ATXN2: variants seen among roughly 807,000 people sequenced by gnomAD.
ATXN2 encodes ataxin-2.
ATXN2 carries 37 observed loss-of-function variants against 138.6 expected under a neutral mutation model. The ratio of observed to expected loss-of-function variants is 0.27; its 90% CI spans 0.21 to 0.35. The LOEUF (loss-of-function observed/expected upper bound fraction) is 0.35. Among genes scored for constraint, ATXN2 ranks in the 10% least tolerant of loss-of-function variants. The pLI is 1.00. For synonymous variants in ATXN2, 549 were observed against 543.7 expected (o/e 1.01, Z -0.13); for missense variants, 1,216 against 1,480.3 (o/e 0.82, Z 2.93).
chr12:111,481,561 A>G (rs1411818035), intron 18 of ATXN2, among the ~76,000 whole-genome samples: 2 of 152,254 alleles, frequency 1.3e-5, no homozygotes, highest in African/African-American at 4.8e-5. Context: ...CATTACTGGT[A>G]GAAATACAAA....
At position 111,518,261 on chromosome 12, in the gene ATXN2, C is replaced by T. The variant is rs145810958; in HGVS notation, c.1153G>A (p.Val385Ile). 2.3e-4 allele frequency: 364 copies of T among 1,603,268 alleles called. 5 individuals carry two copies. In the Middle Eastern group the frequency reaches 8.3e-3, roughly 37 times the overall value. Residue 385 changes from valine (V) to isoleucine (I), a missense_variant, in exon 9 of 25, where the codon GTA becomes ATA. Physicochemically the swap from Val to Ile is conservative, Grantham distance 29 (BLOSUM62 3). Around this residue, in one of 4 missense-constraint regions of ATXN2, gnomAD observed 401 missense variants for 528.1 expected, o/e 0.76. Coordinates refer to ENST00000673436, the MANE Select transcript of ATXN2 (RefSeq NM_001372574.1). Reference sequence around the variant, plus strand: ...TCAAAATACTTGCCTCCATTAACTACTCTTTGGTCTGAACCAGAATTCGGG... The same window carrying T: ...TCAAAATACTTGCCTCCATTAACTATTCTTTGGTCTGAACCAGAATTCGGG... ...FNPNSGSDQR[V>I]VNGGVPWPSP...
At chr12:111,477,889 G>A (rs374496855) in intron 18 of ATXN2, among the ~76,000 whole-genome samples, 3 of 151,588 alleles carry the variant, frequency 2.0e-5, no homozygotes, top group Non-Finnish European at 4.4e-5. Flanking sequence ...TCGCTCAAGC[G>A]ATTGTCCCAC....
Position 111,470,175 on chromosome 12 carries a change from G to C in ATXN2, c.2775C>G (p.Ala925=). The C allele has an allele frequency of 6.2e-7, 1 of 1,614,098 alleles. No homozygotes were observed. Among genetic ancestry groups the C allele is most frequent in the Non-Finnish European group, 8.5e-7 (1 of 1,180,000 alleles). Residue 925 remains alanine (A), a synonymous_variant, in exon 20 of 25, where the codon GCC becomes GCG. Transcript: ENST00000673436. ...CTGAAGAAGATACTAAACCAGGCTG[G>C]GCGTGTGTTGGTGGTGCCATCATTC... ...NARMMAPPTH[A]QPGLVSSSAT...
At position 111,453,962 on chromosome 12, in the gene ATXN2, G is replaced by T; in HGVS notation, c.3271-117C>A. 1.0e-6 allele frequency: 1 copy of T among 999,640 alleles called. No individual in the cohort carries two copies. 61.9% of individuals were successfully genotyped at this position (999,640 alleles called of 1,614,324 possible). The stretch of plus-strand genomic sequence containing the variant: ...GGAAAGGGCAACGGTGGGCCTCAGG[G>T]CCCAGTTCTGTTCTCTGGGGACAAT... On this transcript the variant is annotated intron_variant, in intron 23 of 24. Transcript: ENST00000673436. The surrounding 1 kb of genome is among the most constrained non-coding windows in gnomAD (Gnocchi z 5.4).
intron 6 of ATXN2, among the ~76,000 whole-genome samples, chr12:111,522,640 C>T (rs1056574572): frequency 1.3e-5 from 2 of 151,906 alleles, no homozygotes; most frequent in African/African-American, 4.8e-5. Context: ...CAGCCGGGCG[C>T]AGTGGCTCAT....
At chr12:111,525,350 A>G (rs550017526) in intron 5 of ATXN2, 34 bp from the exon 6 acceptor site, 1 of 1,519,766 alleles carries the variant, frequency 6.6e-7, no homozygotes, top group South Asian at 1.3e-5. Context: ...AAGTTTATAT[A>G]ATCTGGCAAT....
upstream of ATXN2, chr12:111,599,599 A>G (rs1885168880): frequency 1.8e-6 from 2 of 1,089,486 alleles, no homozygotes; most frequent in Non-Finnish European, 1.1e-6. Context: ...GTCAGACGGA[A>G]GCAGAACGTG....
At chr12:111,530,381 C>A (rs142926913) in intron 5 of ATXN2, among the ~76,000 whole-genome samples, 2 of 152,294 alleles carry the variant, frequency 1.3e-5, no homozygotes, top group East Asian at 3.9e-4. Flanking sequence ...AAACAAAGTT[C>A]TAAGGAACAA....
At chr12:111,594,119 C>T (rs555375156) in intron 1 of ATXN2, among the ~76,000 whole-genome samples, 2 of 152,276 alleles carry the variant, frequency 1.3e-5, no homozygotes, top group Admixed American at 6.5e-5. Context: ...TTTAATGTCT[C>T]ATTGTCTGCC....
rs769881652 is a variant in ATXN2, at chr12:111,520,050, T to G, written c.815A>C (p.Glu272Ala). The G allele has an allele frequency of 6.2e-7, 1 of 1,614,042 alleles. No homozygotes were observed. Among genetic ancestry groups the G allele is most frequent in the Non-Finnish European group, 8.5e-7 (1 of 1,180,026 alleles). The change falls in exon 8 of 25, where the codon GAA (glutamate) becomes GCA (alanine). Residue 272 changes from glutamate (E) to alanine (A), a missense_variant. Glu to Ala is a moderately radical substitution (Grantham distance 107). This residue lies in a region of ATXN2 where 401 missense variants were observed against 528.1 expected (regional missense o/e 0.76). Coordinates refer to ENST00000673436, the MANE Select transcript of ATXN2 (RefSeq NM_001372574.1). ...CCTTGCTTCCCGTTTTAAAAATTCT[T>G]CTGAGTTATCTCTTTCTAAGGGCAC... ...YTVPLERDNS[E>A]EFLKREARAN...
chr12:111,465,803 G>A (rs1171595175), intron 20 of ATXN2, among the ~76,000 whole-genome samples: 1 of 146,966 alleles, frequency 6.8e-6, no homozygotes, highest in Admixed American at 6.8e-5. Context: ...GAGTAGATGT[G>A]AGAGGAAAAA....
intron 1 of ATXN2, among the ~76,000 whole-genome samples, chr12:111,582,834 A>T (rs1884084789): frequency 6.6e-6 from 1 of 151,688 alleles, no homozygotes; most frequent in Non-Finnish European, 1.5e-5. Flanking sequence ...ACGCCTGGCT[A>T]ATTTTTTGTA....
chr12:111,587,092 A>C (rs1012007175), intron 1 of ATXN2, among the ~76,000 whole-genome samples: 16 of 150,466 alleles, frequency 1.1e-4, no homozygotes, highest in African/African-American at 3.9e-4. Flanking sequence ...AAAAAAAAAA[A>C]AGAACTCCCC....
chr12:111,530,846 C>T (rs546523667), intron 5 of ATXN2, among the ~76,000 whole-genome samples: 23 of 152,102 alleles, frequency 1.5e-4, no homozygotes, highest in African/African-American at 5.5e-4. Flanking sequence ...TGTGTATAGG[C>T]GGGGTGCAGT....
intron 14 of ATXN2, among the ~76,000 whole-genome samples, chr12:111,502,900 A>G (rs1878870683): frequency 6.6e-6 from 1 of 152,144 alleles, no homozygotes; most frequent in African/African-American, 2.4e-5. Flanking sequence ...TATCTCATCG[A>G]GCTCTCACAG....
chr12:111,586,519 G>A (rs949045296), intron 1 of ATXN2, among the ~76,000 whole-genome samples: 3 of 151,642 alleles, frequency 2.0e-5, no homozygotes, highest in African/African-American at 4.8e-5. Context: ...CCGAGTAGCT[G>A]GGACTACAGG....
chr12:111,465,493 T>C (rs964434782), intron 20 of ATXN2, among the ~76,000 whole-genome samples: 1 of 151,836 alleles, frequency 6.6e-6, no homozygotes. Flanking sequence ...GATGTGAGGC[T>C]GGGCGTGGTG....
At chr12:111,457,550 T>A in intron 21 of ATXN2, 191 bp from the exon 22 acceptor site, 1 of 576,490 alleles carries the variant, frequency 1.7e-6, no homozygotes, top group Non-Finnish European at 2.9e-6. Context: ...CTTAACAGAC[T>A]AGCATTTGGT....
At chr12:111,584,905 C>A (rs1318196125) in intron 1 of ATXN2, among the ~76,000 whole-genome samples, 1 of 151,928 alleles carries the variant, frequency 6.6e-6, no homozygotes, top group Non-Finnish European at 1.5e-5. Context: ...GGAGGCAGAT[C>A]GGGCCATTGC....
Sources: gnomAD v4.1 joint callset for allele counts (sites outside exome capture counted in the v4.1 genomes callset) on GRCh38, gnomAD v4.1.1 for gene constraint, gnomAD v4.1.1 regional missense constraint, Gnocchi (gnomAD v3.1) non-coding constraint, MANE v1.5 for transcripts, NCBI Gene and HGNC (gene_info 2026-07-23, HGNC 2026-07-21) for gene names.